The following SMARCD2 variants were observed in gnomAD, a reference collection of about 807,000 sequenced individuals.
SMARCD2 encodes SWI/SNF related BAF chromatin remodeling complex subunit D2, also known as SWI/SNF-related matrix-associated actin-dependent regulator of chromatin subfamily D member 2.
Under a neutral mutation model 70.4 loss-of-function variants are expected in SMARCD2, and 39 were observed. That is an observed-to-expected ratio of 0.55 (90% CI 0.43 to 0.72). The LOEUF (loss-of-function observed/expected upper bound fraction) is 0.72, where lower values mean the gene tolerates loss of function less well. Ranked by LOEUF, SMARCD2 falls within the 30% of genes least tolerant of loss-of-function variation. The pLI is 0.00. For synonymous variants in SMARCD2, 249 were observed against 279.4 expected, an observed-to-expected ratio of 0.89 and a Z score of 1.08; for missense variants, 540 against 713.4, an observed-to-expected ratio of 0.76 and a Z score of 2.77.
In SMARCD2 at chr17:63,834,352, A is replaced by G. The variant is rs745711386; in HGVS notation, c.922-24T>C. On this transcript the variant is annotated intron_variant, in intron 7 of 12. Coordinates refer to ENST00000448276, the MANE Select transcript of SMARCD2 (RefSeq NM_001098426.2). The surrounding 1 kb of genome is among the most constrained non-coding windows in gnomAD (Gnocchi z 5.6). ...GGCTGGAGTTGGATGGAGGGGAGTC[A>G]GAACGGGTTCTTATAGTAGAACAGT... 51 of 1,605,734 alleles carry G rather than the reference A, an allele frequency of 3.2e-5. No individual in the cohort carries two copies. The South Asian group carries it at 5.4e-4, about 17-fold the overall frequency.
Position 63,835,128 on chromosome 17 carries a change from G to C in SMARCD2, c.723+284C>G, listed in dbSNP as rs917554446. On this transcript the variant is annotated intron_variant, in intron 5 of 12. Transcript: ENST00000448276. ...TGGGAGCGCCCAAGTGTCTGGCCCA[G>C]TCTTTTTTTTTCTGAGACACAATCT... 8 of 530,602 alleles carry C rather than the reference G, an allele frequency of 1.5e-5. No individual in the cohort carries two copies. In the East Asian group the frequency reaches 2.6e-4, roughly 17 times the overall value. The allele number at this position is 530,602 out of a possible 1,614,324, so 32.9% of individuals were successfully genotyped here.
At position 63,832,896 on chromosome 17, in the gene SMARCD2, TC is replaced by T; in HGVS notation, c.*41del. ...CCCAGCAAGGACCCAGAGGGTGGTC[TC>T]CCTCCAGGCTCCAGGGCTGGGAAGA... On this transcript the variant is annotated 3_prime_UTR_variant, in exon 13 of 13. Transcript: ENST00000448276. 1.3e-6 allele frequency: 2 copies of T among 1,539,756 alleles called. No individual in the cohort carries two copies. The highest frequency in any genetic ancestry group is 1.8e-6 in the Non-Finnish European group (2 of 1,137,602).
At position 63,834,797 on chromosome 17, in the gene SMARCD2, T is replaced by C. The variant is rs759568547; in HGVS notation, c.727A>G (p.Ser243Gly). Reference protein sequence around the residue: ...RVEGKLLDDPSKQKRKFSSFF... With the variant: ...RVEGKLLDDPGKQKRKFSSFF... ...GAAGAAAACTTCCTCTTCTGTTTGC[T>C]AGGCTGGGGATGGAAAGGGGTGTGA... Residue 243 changes from serine to glycine, a missense_variant, in exon 6 of 13, where the codon AGC (serine) becomes GGC (glycine). Physicochemically the swap from Ser to Gly is moderately conservative, Grantham distance 56 (BLOSUM62 0). Transcript: ENST00000448276. The surrounding 1 kb of genome is among the most constrained non-coding windows in gnomAD (Gnocchi z 5.6). 6.2e-7 allele frequency: 1 copy of C among 1,609,964 alleles called. No individual in the cohort carries two copies. Among genetic ancestry groups the C allele is most frequent in the African/African-American group, 1.3e-5 (1 of 74,844 alleles).
In SMARCD2 at chr17:63,837,726, G is replaced by A. The variant is rs2040284802; in HGVS notation, c.217-101C>T. The A allele has an allele frequency of 4.2e-6, 4 of 950,880 alleles. No individual in the cohort carries two copies. Among genetic ancestry groups the A allele is most frequent in the Non-Finnish European group, 6.3e-6 (4 of 634,072 alleles). The allele number at this position is 950,880 out of a possible 1,614,324, so 58.9% of individuals were successfully genotyped here. The stretch of plus-strand genomic sequence containing the variant: ...CCCTCTCGTCAGCCAGGTAGGGCCT[G>A]AGCAGCACACCAGAGCCCTGCTGGA... On this transcript the variant is annotated intron_variant, in intron 1 of 12. Transcript: ENST00000448276. The surrounding 1 kb of genome is among the most constrained non-coding windows in gnomAD (Gnocchi z 6.4).
In SMARCD2 at chr17:63,834,828, T is replaced by A; in HGVS notation, c.724-28A>T. The A allele has an allele frequency of 6.9e-7, 1 of 1,443,700 alleles. No homozygotes were observed. Among genetic ancestry groups the A allele is most frequent in the Non-Finnish European group, 9.8e-7 (1 of 1,024,930 alleles). The allele number at this position is 1,443,700 out of a possible 1,614,324, so 89.4% of individuals were successfully genotyped here. A position where few individuals can be genotyped will look rare whatever the true frequency, so the allele number is the denominator to read the frequency against. ...GGGGATGGAAAGGGGTGTGAGATGG[T>A]GCTGCTGAGCTCTCAAATCTCAAGC... On this transcript the variant is annotated intron_variant, in intron 5 of 12. Transcript: ENST00000448276. The surrounding 1 kb of genome is among the most constrained non-coding windows in gnomAD (Gnocchi z 5.6).
At chr17:63,842,235 C>A (rs1904493698) in intron 1 of SMARCD2, 3 of 727,682 alleles carry the variant, frequency 4.1e-6, no homozygotes, top group South Asian at 1.1e-4. Context: ...CGCGGAAGCC[C>A]CCAGGCCTCC....
intron 5 of SMARCD2, chr17:63,835,077 C>G (rs968792999): frequency 3.7e-6 from 2 of 534,306 alleles, no homozygotes; most frequent in Admixed American, 7.0e-5. Context: ...TGGAGCAGCG[C>G]CCCCCTCCCT....
chr17:63,832,982 G>T lies in SMARCD2; in HGVS notation c.1552C>A (p.Arg518=). The T allele has an allele frequency of 6.3e-7, 1 of 1,584,908 alleles. No homozygotes were observed. Among genetic ancestry groups the T allele is most frequent in the Non-Finnish European group, 8.6e-7 (1 of 1,166,920 alleles). The change falls in exon 13 of 13, where the codon CGA becomes AGA. Residue 518 remains arginine (R), a synonymous_variant. Coordinates refer to ENST00000448276, the MANE Select transcript of SMARCD2 (RefSeq NM_001098426.2). ...GRHIFAKVQQ[R]RQELEQVLGI... Reference sequence around the variant, plus strand: ...AGCACCTGTTCCAGTTCCTGCCTTCGCTGCTGCACCTGGAGAAGGGAGAAA... The same window carrying T: ...AGCACCTGTTCCAGTTCCTGCCTTCTCTGCTGCACCTGGAGAAGGGAGAAA...
In SMARCD2 at chr17:63,834,683, T is replaced by G. The variant is rs755948358; in HGVS notation, c.819+22A>C. ...TGCCAAACCTGCACATCAGCCTGCT[T>G]TTGCCCCAGGCCCACTCTCACCTCC... On this transcript the variant is annotated intron_variant, in intron 6 of 12. Coordinates refer to ENST00000448276, the MANE Select transcript of SMARCD2 (RefSeq NM_001098426.2). The surrounding 1 kb of genome is among the most constrained non-coding windows in gnomAD (Gnocchi z 5.6). 23 of 1,599,822 alleles carry G rather than the reference T, an allele frequency of 1.4e-5. No homozygotes were observed. The highest frequency in any genetic ancestry group is 2.7e-5 in the African/African-American group (2 of 74,616).
chr17:63,840,039 G>T (rs913245108), intron 1 of SMARCD2, among the ~76,000 whole-genome samples: 1 of 152,056 alleles, frequency 6.6e-6, no homozygotes, highest in African/African-American at 2.4e-5. Flanking sequence ...TTGAGGCAGA[G>T]GATTGTTTGA....
rs1200419907 is a variant in SMARCD2, at chr17:63,835,359, G to C, written c.723+53C>G. The stretch of plus-strand genomic sequence containing the variant: ...GCTAGTATCAAACTCCTTGGTCTCA[G>C]TCTTAAACCCACACAGGCCTCCTTC... On this transcript the variant is annotated intron_variant, in intron 5 of 12. Coordinates refer to ENST00000448276, the MANE Select transcript of SMARCD2 (RefSeq NM_001098426.2). The C allele has an allele frequency of 5.7e-6, 9 of 1,572,518 alleles. No homozygotes were observed. In the East Asian group the frequency reaches 1.8e-4, roughly 31 times the overall value.
chr17:63,834,057 G>A lies in SMARCD2; in HGVS notation c.1084-51C>T. 6.3e-7 allele frequency: 1 copy of A among 1,593,252 alleles called. No homozygotes were observed. Among genetic ancestry groups the A allele is most frequent in the Non-Finnish European group, 8.6e-7 (1 of 1,161,482 alleles). The stretch of plus-strand genomic sequence containing the variant: ...GTTGGCTTGTGGGCACAGTGGAGTG[G>A]ACCATTCCAGGACCAGTGAGGGCAG... On this transcript the variant is annotated intron_variant, in intron 8 of 12. Transcript: ENST00000448276. This position sits in a 1 kb window ranked among gnomAD's most constrained non-coding sequence, Gnocchi z 5.6.
chr17:63,835,701 T>C, intron 4 of SMARCD2, 134 bp from the exon 5 acceptor site: 2 of 750,476 alleles, frequency 2.7e-6, no homozygotes, highest in South Asian at 1.9e-5. Context: ...TGTCAGGTAC[T>C]GGGAATCAGA....
chr17:63,834,388 G>T lies in SMARCD2; in HGVS notation c.922-60C>A. 6.3e-7 allele frequency: 1 copy of T among 1,580,338 alleles called. No homozygotes were observed. Among genetic ancestry groups the T allele is most frequent in the Non-Finnish European group, 8.7e-7 (1 of 1,155,276 alleles). On this transcript the variant is annotated intron_variant, in intron 7 of 12. Transcript: ENST00000448276. The surrounding 1 kb of genome is among the most constrained non-coding windows in gnomAD (Gnocchi z 5.6). The stretch of plus-strand genomic sequence containing the variant: ...TTATAGTAGAACAGTGGGAAAATAG[G>T]GCAGGGACAGGAAGGGTTTCTAGGA...
chr17:63,838,407 G>T (rs1019665847), intron 1 of SMARCD2, among the ~76,000 whole-genome samples: 1 of 152,126 alleles, frequency 6.6e-6, no homozygotes, highest in Admixed American at 6.5e-5. Context: ...GGGAAAGAGA[G>T]CAGCTAGCAC....
intron 1 of SMARCD2, chr17:63,839,121 C>T: frequency 1.0e-6 from 1 of 985,398 alleles, no homozygotes; most frequent in Non-Finnish European, 1.2e-6. Flanking sequence ...AAGACAGCCT[C>T]TTTCTCTGCC....
chr17:63,840,170 G>C (rs919355882), intron 1 of SMARCD2, among the ~76,000 whole-genome samples: 1 of 151,564 alleles, frequency 6.6e-6, no homozygotes, highest in South Asian at 2.1e-4. Context: ...TGAACTCTCT[G>C]GAGTGAACCC....
At chr17:63,836,738 C>T in intron 4 of SMARCD2, 184 bp downstream of exon 4, 1 of 563,370 alleles carries the variant, frequency 1.8e-6, no homozygotes, top group Non-Finnish European at 3.2e-6. Flanking sequence ...AGATTTTCTA[C>T]TGTCATATAT....
At chr17:63,841,666 G>A (rs1267719687) in intron 1 of SMARCD2, among the ~76,000 whole-genome samples, 2 of 152,222 alleles carry the variant, frequency 1.3e-5, no homozygotes, top group Non-Finnish European at 2.9e-5. Flanking sequence ...CCCCAAAGGG[G>A]TCAGGACAGC....
Sources: gnomAD v4.1 joint callset for allele counts (sites outside exome capture counted in the v4.1 genomes callset) on GRCh38, gnomAD v4.1.1 for gene constraint, Gnocchi (gnomAD v3.1) non-coding constraint, MANE v1.5 for transcripts, NCBI Gene and HGNC (gene_info 2026-07-23, HGNC 2026-07-21) for gene names.